The following RBFOX1 variants were observed in gnomAD, a reference collection of about 807,000 sequenced individuals.
The protein encoded by RBFOX1 is RNA binding fox-1 homolog 1.
A neutral mutation model predicts 57.7 loss-of-function variants in RBFOX1; 8 were observed. The observed-to-expected ratio is 0.14, with a 90% CI of 0.08 to 0.25. The LOEUF is 0.25. Among genes scored for constraint, RBFOX1 ranks in the 10% least tolerant of loss-of-function variants. The pLI, the probability that RBFOX1 is intolerant of heterozygous loss-of-function variation, is 1.00. For missense variants in RBFOX1, 611 were observed against 548.5 expected, an observed-to-expected ratio of 1.11 and a Z score of -1.14; for synonymous variants, 326 against 222.4, an observed-to-expected ratio of 1.47 and a Z score of -4.15.
intron 2 of RBFOX1, among the ~76,000 whole-genome samples, chr16:6,404,880 C>T (rs1416017624): frequency 6.6e-6 from 1 of 152,120 alleles, no homozygotes; most frequent in African/African-American, 2.4e-5. Flanking sequence ...CGTGGATCCC[C>T]GATATGGAAG....
intron 1 of RBFOX1, among the ~76,000 whole-genome samples, chr16:6,137,976 T>C (rs1416727212): frequency 6.6e-6 from 1 of 152,176 alleles, no homozygotes; most frequent in Non-Finnish European, 1.5e-5. Context: ...GGTTCAGTTA[T>C]GTTAAGTACC....
chr16:6,520,421 T>C (rs1348356677), intron 2 of RBFOX1, among the ~76,000 whole-genome samples: 1 of 152,198 alleles, frequency 6.6e-6, no homozygotes, highest in Non-Finnish European at 1.5e-5. Context: ...AAAATCCTAA[T>C]TTTTAAAACA....
chr16:5,712,953 A>G lies in RBFOX1; in HGVS notation c.318+113992A>G, dbSNP rs764187220. 6.3e-5 allele frequency among the ~76,000 whole-genome samples: 9 copies of G among 143,560 alleles called. No individual in the cohort carries two copies. In the South Asian group the frequency reaches 7.1e-4, roughly 11 times the overall value. 94.2% of individuals were successfully genotyped at this position (143,560 alleles called of 152,430 possible). On this transcript the variant is annotated intron_variant, in intron 3 of 19. Transcript: ENST00000641259. Reference sequence around the variant, plus strand: ...TGAACCCAGCTCCAAATGCTGTATCATGATTGGTCTCTGAGGACATCCTTG... The same window carrying G: ...TGAACCCAGCTCCAAATGCTGTATCGTGATTGGTCTCTGAGGACATCCTTG...
At chr16:6,256,195 A>G (rs1450351705) in intron 1 of RBFOX1, among the ~76,000 whole-genome samples, 2 of 19,044 alleles carry the variant, frequency 1.1e-4, no homozygotes, top group Non-Finnish European at 2.9e-4. Context: ...ACGTATATAT[A>G]TGTATATGTA....
At chr16:6,587,895 A>G (rs1316689053) in intron 2 of RBFOX1, among the ~76,000 whole-genome samples, 2 of 152,192 alleles carry the variant, frequency 1.3e-5, no homozygotes, top group Admixed American at 1.3e-4. Flanking sequence ...GGCACCATGA[A>G]CAACTCATGC....
chr16:5,357,750 G>A (rs1183671835), intron 1 of RBFOX1, among the ~76,000 whole-genome samples: 1 of 152,188 alleles, frequency 6.6e-6, no homozygotes, highest in African/African-American at 2.4e-5. Flanking sequence ...TGTTCTGTTA[G>A]TCAGAATCTC....
chr16:6,206,651 A>G (rs937883956), intron 1 of RBFOX1, among the ~76,000 whole-genome samples: 2 of 152,192 alleles, frequency 1.3e-5, no homozygotes, highest in South Asian at 2.1e-4. Flanking sequence ...TGAAATAATT[A>G]TACACTCATC....
intron 4 of RBFOX1, among the ~76,000 whole-genome samples, chr16:7,266,365 T>C (rs953561025): frequency 6.6e-6 from 1 of 152,192 alleles, no homozygotes; most frequent in African/African-American, 2.4e-5. Context: ...GCTTCTGCTC[T>C]TTCCTCACTT....
intron 4 of RBFOX1, among the ~76,000 whole-genome samples, chr16:7,058,143 T>C (rs1427916661): frequency 6.6e-6 from 1 of 151,918 alleles, no homozygotes; most frequent in Non-Finnish European, 1.5e-5. Flanking sequence ...TCTCAAAATA[T>C]AGGACACCTA....
At position 6,896,357 on chromosome 16, in the gene RBFOX1, A is replaced by G. The variant is rs554723230; in HGVS notation, c.-15-155700A>G. Among the ~76,000 whole-genome samples, 5 of 152,338 alleles carry G rather than the reference A, an allele frequency of 3.3e-5. No homozygotes were observed. In the East Asian group the frequency reaches 9.6e-4, roughly 29 times the overall value. On this transcript the variant is annotated intron_variant, in intron 3 of 15. Transcript: ENST00000550418. The stretch of plus-strand genomic sequence containing the variant: ...ATATAAAATTACTACTGAGTATAGT[A>G]ATCAAATAATATGTATGTCTTTTTC...
At chr16:7,160,671 T>G (rs9922618) in intron 4 of RBFOX1, among the ~76,000 whole-genome samples, 1,666 of 152,280 alleles carry the variant, frequency 0.011, 33 homozygotes, top group African/African-American at 0.038. Flanking sequence ...GGCATAATCT[T>G]CATCTTAGTT....
At chr16:7,546,419 C>G (rs914724741) in intron 5 of RBFOX1, among the ~76,000 whole-genome samples, 2 of 152,026 alleles carry the variant, frequency 1.3e-5, no homozygotes, top group African/African-American at 2.4e-5. Context: ...TCAGCTGTTG[C>G]AGATCAAGAA....
At chr16:7,035,866 G>A (rs1044599305) in intron 3 of RBFOX1, among the ~76,000 whole-genome samples, 1 of 151,084 alleles carries the variant, frequency 6.6e-6, no homozygotes, top group Non-Finnish European at 1.5e-5. Flanking sequence ...AAGCTTTCCA[G>A]GAAGAATGTG....
intron 1 of RBFOX1, among the ~76,000 whole-genome samples, chr16:5,377,293 G>A (rs1322370797): frequency 1.3e-5 from 2 of 151,472 alleles, no homozygotes; most frequent in East Asian, 1.9e-4. Context: ...TGCAGGATGC[G>A]GAGGGGTAGA....
intron 2 of RBFOX1, among the ~76,000 whole-genome samples, chr16:6,639,486 G>C (rs2098469836): frequency 6.6e-6 from 1 of 152,062 alleles, no homozygotes; most frequent in African/African-American, 2.4e-5. Context: ...GAGGAATTAA[G>C]ACAGTTTTTA....
At chr16:6,579,327 T>C (rs11645354) in intron 2 of RBFOX1, among the ~76,000 whole-genome samples, 65,527 of 151,852 alleles carry the variant, frequency 0.43, 15,821 homozygotes, top group East Asian at 0.67. Flanking sequence ...CCTCGGTCTC[T>C]TGAGTAGCTG....
At chr16:7,064,689 G>C (rs2055501067) in intron 4 of RBFOX1, among the ~76,000 whole-genome samples, 10 of 152,160 alleles carry the variant, frequency 6.6e-5, no homozygotes, top group Admixed American at 6.5e-4. Flanking sequence ...TGTTACGGTA[G>C]CCCTAGCAAA....
At chr16:5,689,145 G>A (rs1429424172) in intron 3 of RBFOX1, among the ~76,000 whole-genome samples, 3 of 152,218 alleles carry the variant, frequency 2.0e-5, no homozygotes, top group Non-Finnish European at 4.4e-5. Context: ...GGATGTCAAG[G>A]TCACGTCCAG....
chr16:6,280,653 A>G (rs1259873134), intron 1 of RBFOX1, among the ~76,000 whole-genome samples: 1 of 152,136 alleles, frequency 6.6e-6, no homozygotes, highest in Non-Finnish European at 1.5e-5. Context: ...GAATATAGCC[A>G]GAAGTAATTA....
Sources: allele counts gnomAD v4.1 joint callset (sites outside exome capture counted in the v4.1 genomes callset), GRCh38; gene constraint gnomAD v4.1.1; transcripts MANE v1.5; gene names NCBI Gene and HGNC (gene_info 2026-07-23, HGNC 2026-07-21).